The following NLGN1 variants were observed in gnomAD, a reference collection of about 807,000 sequenced individuals.
NLGN1 encodes the protein neuroligin-1.
Under a neutral mutation model 65.5 loss-of-function variants are expected in NLGN1, and 12 were observed. The ratio of observed to expected loss-of-function variants is 0.18; its 90% CI spans 0.12 to 0.30. The LOEUF (loss-of-function observed/expected upper bound fraction) is 0.30, where lower values mean the gene tolerates loss of function less well. Among genes scored for constraint, NLGN1 ranks in the 10% least tolerant of loss-of-function variants. The pLI is 1.00. For synonymous variants in NLGN1, 350 were observed against 359.5 expected, an observed-to-expected ratio of 0.97 and a Z score of 0.30; for missense variants, 750 against 1,007.1, an observed-to-expected ratio of 0.74 and a Z score of 3.46.
At chr3:173,891,890 T>C (rs1294009739) in intron 4 of NLGN1, among the ~76,000 whole-genome samples, 1 of 152,152 alleles carries the variant, frequency 6.6e-6, no homozygotes, top group Admixed American at 6.6e-5. Flanking sequence ...CCTCACACCT[T>C]GCGGTGAGTA....
chr3:173,724,340 A>G (rs571320109), intron 3 of NLGN1: 294 of 154,266 alleles, frequency 1.9e-3, no homozygotes, highest in Non-Finnish European at 3.4e-3. Flanking sequence ...CAGTGGCGCA[A>G]TCTTAGCTCA....
At chr3:173,531,091 TG>T (rs1736488849) in intron 2 of NLGN1, among the ~76,000 whole-genome samples, 1 of 152,106 alleles carries the variant, frequency 6.6e-6, no homozygotes, top group Non-Finnish European at 1.5e-5. Flanking sequence ...AAAAAATTTA[TG>T]GCTGTGTATT....
At chr3:174,000,913 C>A (rs80302936) in intron 4 of NLGN1, among the ~76,000 whole-genome samples, 84 of 152,248 alleles carry the variant, frequency 5.5e-4, no homozygotes, top group Non-Finnish European at 9.9e-4. Context: ...TGGTCTTCTC[C>A]TGACTTTCTC....
At chr3:174,184,324 T>C (rs1201698766) in intron 4 of NLGN1, among the ~76,000 whole-genome samples, 1 of 149,296 alleles carries the variant, frequency 6.7e-6, no homozygotes, top group Non-Finnish European at 1.5e-5. Context: ...CTCAGCCAAA[T>C]ATTAATGTAA....
At chr3:173,919,971 G>A (rs1741631402) in intron 4 of NLGN1, among the ~76,000 whole-genome samples, 1 of 152,018 alleles carries the variant, frequency 6.6e-6, no homozygotes, top group Admixed American at 6.6e-5. Flanking sequence ...AAAGGAGAAT[G>A]CTGGGATGCT....
At chr3:173,997,520 C>G (rs1449702356) in intron 4 of NLGN1, among the ~76,000 whole-genome samples, 1 of 152,082 alleles carries the variant, frequency 6.6e-6, no homozygotes, top group Admixed American at 6.6e-5. Context: ...GTCCCTAGTC[C>G]TGTTTGAATT....
intron 2 of NLGN1, among the ~76,000 whole-genome samples, chr3:173,574,005 G>A (rs1745079882): frequency 6.9e-6 from 1 of 144,898 alleles, no homozygotes; most frequent in Non-Finnish European, 1.5e-5. Context: ...GGAGCTTGCA[G>A]TGAGCCGAGA....
intron 4 of NLGN1, among the ~76,000 whole-genome samples, chr3:174,072,112 A>G (rs911256590): frequency 6.6e-6 from 1 of 152,208 alleles, no homozygotes; most frequent in African/African-American, 2.4e-5. Flanking sequence ...GGGAAAATAA[A>G]GGGGAGAATC....
chr3:174,177,715 A>G (rs1729698218), intron 4 of NLGN1, among the ~76,000 whole-genome samples: 1 of 152,146 alleles, frequency 6.6e-6, no homozygotes. Flanking sequence ...ATATATGCAT[A>G]TAGTCAAAAT....
At chr3:174,073,145 T>C (rs556581710) in intron 4 of NLGN1, among the ~76,000 whole-genome samples, 1 of 152,100 alleles carries the variant, frequency 6.6e-6, no homozygotes, top group African/African-American at 2.4e-5. Context: ...AATGAATCAA[T>C]AAAAATAAAA....
Position 173,863,769 on chromosome 3 carries a change from G to A in NLGN1, c.646+55937G>A, listed in dbSNP as rs1729600418. Among the ~76,000 whole-genome samples the A allele has an allele frequency of 2.6e-5, 4 of 152,274 alleles. No individual in the cohort carries two copies. In the South Asian group the frequency reaches 8.3e-4, roughly 32 times the overall value. On this transcript the variant is annotated intron_variant, in intron 4 of 6. Coordinates refer to ENST00000457714, the Ensembl canonical transcript of NLGN1. ...CTGTATGCAAATCAGCTGCGTTACTGGCAGGACTAGCATTCCACAGAATGA... is the reference window on the plus strand; with the variant it reads ...CTGTATGCAAATCAGCTGCGTTACTAGCAGGACTAGCATTCCACAGAATGA...
At position 173,836,466 on chromosome 3, in the gene NLGN1, A is replaced by C. The variant is rs775385071; in HGVS notation, c.646+28634A>C. On this transcript the variant is annotated intron_variant, in intron 4 of 6. Transcript: ENST00000457714. ...ATTTATGGACCTTAATTTACATGCA[A>C]ATCAGAGGATTTTGTAACTTTTCTT... Among the ~76,000 whole-genome samples the C allele has an allele frequency of 5.9e-5, 9 of 152,164 alleles. 1 individual carries two copies. The highest frequency in any genetic ancestry group is 1.3e-4 in the Non-Finnish European group (9 of 68,002).
intron 4 of NLGN1, among the ~76,000 whole-genome samples, chr3:174,211,181 AAG>A (rs1736413676): frequency 6.6e-6 from 1 of 152,316 alleles, no homozygotes; most frequent in East Asian, 1.9e-4. Flanking sequence ...ATTTACTGCA[AAG>A]AGCGAAAGAA....
rs145783703 is a variant in NLGN1, at chr3:174,211,204, G to A, written c.647-64111G>A. On this transcript the variant is annotated intron_variant, in intron 4 of 6. Transcript: ENST00000457714. ...CAAAGAGCGAAAGAACAAAGCTTCC[G>A]CAGTGTGGAAGGGGACCCCAGCGGG... Among the ~76,000 whole-genome samples the A allele has an allele frequency of 5.3e-5, 8 of 152,282 alleles. No individual in the cohort carries two copies. The East Asian group carries it at 5.8e-4, about 11-fold the overall frequency.
At chr3:174,117,264 A>G (rs1716690378) in intron 4 of NLGN1, among the ~76,000 whole-genome samples, 1 of 151,574 alleles carries the variant, frequency 6.6e-6, no homozygotes, top group South Asian at 2.1e-4. Flanking sequence ...TTCAAATGAG[A>G]GTAGATCAAT....
At chr3:174,217,906 A>G (rs1455348195) in intron 4 of NLGN1, among the ~76,000 whole-genome samples, 1 of 152,060 alleles carries the variant, frequency 6.6e-6, no homozygotes, top group Non-Finnish European at 1.5e-5. Flanking sequence ...ACTGAGGGGG[A>G]TAAAGAAGAC....
intron 4 of NLGN1, among the ~76,000 whole-genome samples, chr3:173,834,307 C>G (rs1438898054): frequency 6.6e-6 from 1 of 152,052 alleles, no homozygotes; most frequent in Admixed American, 6.6e-5. Flanking sequence ...AAACTCTGCT[C>G]TTTATTACTC....
chr3:174,032,744 G>GT (rs752361824), intron 4 of NLGN1, among the ~76,000 whole-genome samples: 2 of 152,120 alleles, frequency 1.3e-5, no homozygotes, highest in Non-Finnish European at 2.9e-5. Context: ...AATAATCATT[G>GT]TAAAAACACC....
chr3:173,569,130 C>T (rs1483117534), intron 2 of NLGN1, among the ~76,000 whole-genome samples: 2 of 152,104 alleles, frequency 1.3e-5, no homozygotes, highest in African/African-American at 2.4e-5. Flanking sequence ...GTTAGTTTAT[C>T]CTATCAGTTC....
Sources: gnomAD v4.1 joint callset for allele counts (sites outside exome capture counted in the v4.1 genomes callset) on GRCh38, gnomAD v4.1.1 for gene constraint, MANE v1.5 for transcripts, NCBI Gene and HGNC (gene_info 2026-07-23, HGNC 2026-07-21) for gene names.